RAB19: variants seen among roughly 807,000 people sequenced by gnomAD.
RAB19 encodes RAB19, member RAS oncogene family.
In RAB19, 21 loss-of-function variants were observed where a neutral mutation model predicts 17.3. The ratio of observed to expected loss-of-function variants is 1.21; its 90% CI spans 0.86 to 1.74. RAB19 has a LOEUF of 1.74. Ranked by LOEUF, RAB19 falls within the 40% of genes most tolerant of loss-of-function variation. The pLI is 0.00. For synonymous variants in RAB19, 126 were observed against 110.4 expected (o/e 1.14, Z -0.88); for missense variants, 277 against 286.8 (o/e 0.97, Z 0.25).
intron 3 of RAB19, among the ~76,000 whole-genome samples, chr7:140,416,094 GCA>G (rs1306167647): frequency 6.6e-6 from 1 of 151,946 alleles, no homozygotes; most frequent in Non-Finnish European, 1.5e-5. Flanking sequence ...TGTAATCCTA[GCA>G]CTTTGGGAGG....
In RAB19 at chr7:140,426,322, G is replaced by A. The variant is rs1248331495; in HGVS notation, c.*172G>A. 5.9e-6 allele frequency: 4 copies of A among 681,468 alleles called. No homozygotes were observed. The highest frequency in any genetic ancestry group is 9.5e-6 in the Non-Finnish European group (4 of 420,710). 42.2% of individuals were successfully genotyped at this position (681,468 alleles called of 1,614,324 possible). A position where few individuals can be genotyped will look rare whatever the true frequency, so the allele number is the denominator to read the frequency against. The stretch of plus-strand genomic sequence containing the variant: ...CACTTCTCCCTTGACTCACACCACA[G>A]GTCATAGCTGCTGACTCTCAGGAAA... On this transcript the variant is annotated 3_prime_UTR_variant, in exon 4 of 4. Transcript: ENST00000537763.
chr7:140,404,769 A>C (rs1799205517), intron 1 of RAB19, among the ~76,000 whole-genome samples: 1 of 152,230 alleles, frequency 6.6e-6, no homozygotes, highest in South Asian at 2.1e-4. Context: ...GAGCAATTGG[A>C]TGAGGAGTCC....
intron 3 of RAB19, among the ~76,000 whole-genome samples, chr7:140,419,501 C>T (rs1046342381): frequency 1.3e-5 from 2 of 152,060 alleles, no homozygotes; most frequent in Non-Finnish European, 2.9e-5. Flanking sequence ...TTGTATAATT[C>T]GTATACTATT....
intron 3 of RAB19, among the ~76,000 whole-genome samples, chr7:140,416,201 A>G (rs1799455182): frequency 6.7e-6 from 1 of 149,750 alleles, no homozygotes; most frequent in Admixed American, 6.7e-5. Flanking sequence ...TGTGGTGGGC[A>G]CCTGTAATCC....
chr7:140,410,852 C>T (rs1799346408), intron 2 of RAB19: 1 of 1,061,940 alleles, frequency 9.4e-7, no homozygotes, highest in Non-Finnish European at 1.3e-6. Flanking sequence ...GAAGAAATTG[C>T]TACCCTCAGA....
intron 3 of RAB19, among the ~76,000 whole-genome samples, chr7:140,419,100 CA>C: frequency 7.3e-6 from 1 of 137,330 alleles, no homozygotes; most frequent in African/African-American, 2.8e-5. Context: ...GATGGAGTCT[CA>C]CTCTGTTGCC....
chr7:140,427,737 C>T lies in RAB19; in HGVS notation c.*1587C>T, dbSNP rs1049870379. 6.6e-6 allele frequency among the ~76,000 whole-genome samples: 1 copy of T among 151,984 alleles called. No homozygotes were observed. Among genetic ancestry groups the T allele is most frequent in the African/African-American group, 2.4e-5 (1 of 41,396 alleles). ...AAAGTGCTGGGATTACAGGTGTGAA[C>T]CACCGCACCTGGCCTTTTTTTATTA... is the stretch of plus-strand genomic sequence containing the variant. On this transcript the variant is annotated 3_prime_UTR_variant, in exon 4 of 4. Coordinates refer to ENST00000537763, the MANE Select transcript of RAB19 (RefSeq NM_001008749.3).
intron 3 of RAB19, among the ~76,000 whole-genome samples, chr7:140,419,787 A>G (rs1225228373): frequency 6.6e-6 from 1 of 152,058 alleles, no homozygotes; most frequent in Non-Finnish European, 1.5e-5. Context: ...CTACATCCTC[A>G]CCAACATCTG....
At position 140,426,114 on chromosome 7, in the gene RAB19, C is replaced by T. The variant is rs769391130; in HGVS notation, c.618C>T (p.Ala206=). Residue 206 remains alanine, a synonymous_variant, in exon 4 of 4, where the codon GCC becomes GCT. Transcript: ENST00000537763. Reference sequence around the variant, plus strand: ...TGGACTCCAGCCCCGTTCTTATGGCCCAGGGTCCAAGTGAAAAGACCCACT... The same window carrying T: ...TGGACTCCAGCCCCGTTCTTATGGCTCAGGGTCCAAGTGAAAAGACCCACT... ...LPLDSSPVLM[A]QGPSEKTHCT... 1.2e-6 allele frequency: 2 copies of T among 1,613,964 alleles called. No homozygotes were observed. Among genetic ancestry groups the T allele is most frequent in the Non-Finnish European group, 1.7e-6 (2 of 1,180,022 alleles).
intron 3 of RAB19, among the ~76,000 whole-genome samples, chr7:140,422,352 G>A (rs1265956619): frequency 6.6e-6 from 1 of 151,922 alleles, no homozygotes; most frequent in African/African-American, 2.4e-5. Flanking sequence ...TCATGCCACT[G>A]TACTCCAGCC....
chr7:140,416,095 C>T (rs1387727131), intron 3 of RAB19, among the ~76,000 whole-genome samples: 1 of 151,978 alleles, frequency 6.6e-6, no homozygotes, highest in Non-Finnish European at 1.5e-5. Context: ...GTAATCCTAG[C>T]ACTTTGGGAG....
intron 3 of RAB19, among the ~76,000 whole-genome samples, chr7:140,413,023 G>A (rs1378315635): frequency 6.6e-6 from 1 of 152,090 alleles, no homozygotes; most frequent in Non-Finnish European, 1.5e-5. Flanking sequence ...CTACTCAGGA[G>A]GCTGAGGTGG....
At chr7:140,407,879 CCTTTTTTTTTTTTTTTT>C (rs1269643085) in intron 2 of RAB19, 32 bp downstream of exon 2, 4 of 848,196 alleles carry the variant, frequency 4.7e-6, no homozygotes, top group Non-Finnish European at 7.0e-6. Context: ...ACTGGTTCCA[CCTTTTTTTTTTTTTTTT>C]TTTTTTTTTT....
At chr7:140,411,698 A>G (rs1208027241) in intron 2 of RAB19, 176 bp from the exon 3 acceptor site, 2 of 1,416,632 alleles carry the variant, frequency 1.4e-6, no homozygotes, top group African/African-American at 2.9e-5. Context: ...GAGGATATCC[A>G]AGTCATCCAG....
chr7:140,414,834 T>C (rs1408130592), intron 3 of RAB19, among the ~76,000 whole-genome samples: 1 of 152,130 alleles, frequency 6.6e-6, no homozygotes, highest in East Asian at 1.9e-4. Flanking sequence ...AGGGGTTGAT[T>C]GCATGTTGAT....
At chr7:140,410,743 C>T (rs1411872282) in intron 2 of RAB19, among the ~76,000 whole-genome samples, 1 of 152,150 alleles carries the variant, frequency 6.6e-6, no homozygotes, top group African/African-American at 2.4e-5. Context: ...CAGGCATGAG[C>T]CACTGCACCC....
Position 140,407,880 on chromosome 7 carries a change from C to CTTTTTTT in RAB19, c.201+53_201+59dup, listed in dbSNP as rs71170993. The CTTTTTTT allele has an allele frequency of 2.2e-5, 14 of 639,612 alleles. No homozygotes were observed. In the African/African-American group the frequency reaches 2.2e-4, roughly 10 times the overall value. 39.6% of individuals were successfully genotyped at this position (639,612 alleles called of 1,614,324 possible). ...GGCACCGGGACGGGACTGGTTCCAC[C>CTTTTTTT]TTTTTTTTTTTTTTTTTTTTTTTTT... is the stretch of plus-strand genomic sequence containing the variant. On this transcript the variant is annotated intron_variant, in intron 2 of 3. Coordinates refer to ENST00000537763, the MANE Select transcript of RAB19 (RefSeq NM_001008749.3).
At chr7:140,404,572 G>A (rs112550652) in intron 1 of RAB19, 12 of 152,294 alleles carry the variant, frequency 7.9e-5, no homozygotes, top group African/African-American at 2.9e-4. Context: ...TAAAGCCCTG[G>A]GTTTTTGCAT....
intron 2 of RAB19, chr7:140,411,132 G>T: frequency 7.3e-7 from 1 of 1,365,270 alleles, no homozygotes; most frequent in Non-Finnish European, 9.8e-7. Context: ...GGGCGCAGTG[G>T]CTCACGCCTG....
Sources: gnomAD v4.1 joint callset for allele counts (sites outside exome capture counted in the v4.1 genomes callset) on GRCh38, gnomAD v4.1.1 for gene constraint, MANE v1.5 for transcripts, NCBI Gene and HGNC (gene_info 2026-07-23, HGNC 2026-07-21) for gene names.